Variants in LRRC4C observed in about 807,000 individuals in gnomAD.
LRRC4C encodes leucine rich repeat containing 4C.
In LRRC4C, 5 loss-of-function variants were observed where a neutral mutation model predicts 33.6. The ratio of observed to expected loss-of-function variants is 0.15; its 90% CI spans 0.08 to 0.31. The LOEUF (loss-of-function observed/expected upper bound fraction) is 0.31. Among genes scored for constraint, LRRC4C ranks in the 10% least tolerant of loss-of-function variants. The probability of loss-of-function intolerance (pLI) is 1.00; values close to 1 mark genes in which losing one functional copy is unlikely to be tolerated. For synonymous variants in LRRC4C, 329 were observed against 302.0 expected (o/e 1.09, Z -0.93); for missense variants, 560 against 796.7 (o/e 0.70, Z 3.58).
intron 1 of LRRC4C, among the ~76,000 whole-genome samples, chr11:41,058,179 G>A (rs1353457955): frequency 6.6e-6 from 1 of 150,586 alleles, no homozygotes; most frequent in Non-Finnish European, 1.5e-5. Flanking sequence ...CCCCAGACCT[G>A]GGAGCTCCCT....
chr11:41,084,383 T>C (rs556934637), intron 1 of LRRC4C, among the ~76,000 whole-genome samples: 1 of 152,294 alleles, frequency 6.6e-6, no homozygotes, highest in African/African-American at 2.4e-5. Context: ...TCTCTAAGGC[T>C]TGCTGTGAGG....
rs760369780 is a variant in LRRC4C, at chr11:40,689,926, T to C, written c.-406-41648A>G. On this transcript the variant is annotated intron_variant, in intron 2 of 6. Transcript: ENST00000528697. ...TACCCATAGTTGCATTTGGAACTTA[T>C]GTAACAATTTAGTCGGCTAACTCAT... Among the ~76,000 whole-genome samples, 58 of 152,168 alleles carry C rather than the reference T, an allele frequency of 3.8e-4. 1 individual carries two copies. Among genetic ancestry groups the C allele is most frequent in the Non-Finnish European group, 7.9e-4 (54 of 68,016 alleles).
chr11:41,023,754 C>A (rs966857160), intron 1 of LRRC4C, among the ~76,000 whole-genome samples: 1 of 151,610 alleles, frequency 6.6e-6, no homozygotes, highest in Non-Finnish European at 1.5e-5. Flanking sequence ...AGGATTGAGA[C>A]AAAATTAATT....
chr11:41,319,995 T>A (rs911935094), intron 1 of LRRC4C, among the ~76,000 whole-genome samples: 2 of 151,922 alleles, frequency 1.3e-5, no homozygotes, highest in South Asian at 2.1e-4. Context: ...TAAAATCATT[T>A]AAAAAAAAGA....
chr11:41,322,490 T>C (rs1950987358), intron 1 of LRRC4C, among the ~76,000 whole-genome samples: 1 of 152,186 alleles, frequency 6.6e-6, no homozygotes, highest in Non-Finnish European at 1.5e-5. Flanking sequence ...ATAGTTTCCC[T>C]GTGGAGAAAG....
chr11:40,179,594 T>A (rs1037663528), intron 5 of LRRC4C, among the ~76,000 whole-genome samples: 22 of 152,100 alleles, frequency 1.4e-4, no homozygotes, highest in African/African-American at 5.3e-4. Flanking sequence ...TGTCTTCTTC[T>A]CCCCGGAGAC....
intron 1 of LRRC4C, among the ~76,000 whole-genome samples, chr11:41,453,688 G>C (rs1480426297): frequency 6.6e-6 from 1 of 151,900 alleles, no homozygotes; most frequent in African/African-American, 2.4e-5. Context: ...ATGTGTGTTT[G>C]TATGTGAGAA....
In LRRC4C at chr11:41,185,122, C is replaced by T. The variant is rs191220021; in HGVS notation, c.-495-251399G>A. 7.3e-3 allele frequency among the ~76,000 whole-genome samples: 1,109 copies of T among 152,068 alleles called. 9 individuals carry two copies. The highest frequency in any genetic ancestry group is 0.025 in the African/African-American group (1,031 of 41,478). ...GGAGTTACAACTCAAGATGAGATTT[C>T]GGTGGGGACACAGCCAAACCATATC... On this transcript the variant is annotated intron_variant, in intron 1 of 6. Coordinates refer to ENST00000528697, the MANE Select transcript of LRRC4C (RefSeq NM_001258419.2).
Position 40,535,685 on chromosome 11 carries a change from C to T in LRRC4C, c.-270+112457G>A, listed in dbSNP as rs147389803. Among the ~76,000 whole-genome samples, 53 of 152,296 alleles carry T rather than the reference C, an allele frequency of 3.5e-4. 1 individual carries two copies. The highest frequency in any genetic ancestry group is 9.1e-4 in the African/African-American group (38 of 41,574). ...TGGGTTGACTTTGAGTTTAAATCAG[C>T]ATGAACTAATTTACTATTATGTTTC... is the stretch of plus-strand genomic sequence containing the variant. On this transcript the variant is annotated intron_variant, in intron 3 of 6. Coordinates refer to ENST00000528697, the MANE Select transcript of LRRC4C (RefSeq NM_001258419.2).
chr11:40,948,648 G>A lies in LRRC4C; in HGVS notation c.-495-14925C>T, dbSNP rs1248723445. 3.2e-3 allele frequency among the ~76,000 whole-genome samples: 486 copies of A among 149,564 alleles called. 4 individuals carry two copies. The highest frequency in any genetic ancestry group is 0.011 in the African/African-American group (435 of 40,516). On this transcript the variant is annotated intron_variant, in intron 1 of 6. Transcript: ENST00000528697. ...TTTTTTGTTCTTGCGATAGTTTACTGAGAATGAGGATTTCCAATTTCATCC... is the reference window on the plus strand; with the variant it reads ...TTTTTTGTTCTTGCGATAGTTTACTAAGAATGAGGATTTCCAATTTCATCC...
At chr11:40,602,511 C>A (rs34488292) in intron 3 of LRRC4C, among the ~76,000 whole-genome samples, 122 of 150,332 alleles carry the variant, frequency 8.1e-4, no homozygotes, top group Non-Finnish European at 1.5e-3. Flanking sequence ...GAGTTAAATG[C>A]AAATGTTCTA....
chr11:40,273,469 A>G (rs1241493092), intron 4 of LRRC4C, among the ~76,000 whole-genome samples: 1 of 152,154 alleles, frequency 6.6e-6, no homozygotes, highest in Non-Finnish European at 1.5e-5. Flanking sequence ...GAAGGTATAG[A>G]AATTCAGACA....
rs528252620 is a variant in LRRC4C at position 41,231,518 on chromosome 11, A to C, written c.-496+227913T>G. 2.0e-5 allele frequency among the ~76,000 whole-genome samples: 3 copies of C among 150,952 alleles called. No homozygotes were observed. In the East Asian group the frequency reaches 5.9e-4, roughly 30 times the overall value. On this transcript the variant is annotated intron_variant, in intron 1 of 6. Transcript: ENST00000528697. ...ATTCTCAGCAAACTATCGCAAGGAC[A>C]AAAAACCAAACACCGCATGTTCTCA... is the stretch of plus-strand genomic sequence containing the variant.
chr11:41,271,424 C>A lies in LRRC4C; in HGVS notation c.-496+188007G>T, dbSNP rs748300317. Among the ~76,000 whole-genome samples, 7 of 152,044 alleles carry A rather than the reference C, an allele frequency of 4.6e-5. No individual in the cohort carries two copies. In the South Asian group the frequency reaches 1.4e-3, roughly 31 times the overall value. On this transcript the variant is annotated intron_variant, in intron 1 of 6. Transcript: ENST00000528697. ...TCTCATTCACATTCTCTCTGTTCTACAAGGACATCAACAGGTTTTTACACT... is the reference window on the plus strand; with the variant it reads ...TCTCATTCACATTCTCTCTGTTCTAAAAGGACATCAACAGGTTTTTACACT...
chr11:40,871,278 C>G (rs1195035032), intron 2 of LRRC4C, among the ~76,000 whole-genome samples: 1 of 152,094 alleles, frequency 6.6e-6, no homozygotes, highest in East Asian at 1.9e-4. Context: ...CCTTGTGAAG[C>G]CTGTGATCTC....
intron 3 of LRRC4C, among the ~76,000 whole-genome samples, chr11:40,646,559 GA>G (rs572499991): frequency 3.0e-4 from 46 of 151,924 alleles, no homozygotes; most frequent in Non-Finnish European, 6.3e-4. Flanking sequence ...TGACGGCAAG[GA>G]AAAAAAGACA....
At chr11:40,311,414 A>G (rs1469007575) in intron 4 of LRRC4C, among the ~76,000 whole-genome samples, 1 of 152,226 alleles carries the variant, frequency 6.6e-6, no homozygotes, top group Non-Finnish European at 1.5e-5. Context: ...GTAAACGTGT[A>G]CTTAATGAGT....
At chr11:41,458,328 G>C (rs1340068968) in intron 1 of LRRC4C, among the ~76,000 whole-genome samples, 1 of 152,114 alleles carries the variant, frequency 6.6e-6, no homozygotes, top group Non-Finnish European at 1.5e-5. Context: ...AGATTCTGTT[G>C]CCTTCATGTG....
intron 3 of LRRC4C, among the ~76,000 whole-genome samples, chr11:40,621,746 A>G (rs1025240698): frequency 1.3e-5 from 2 of 151,830 alleles, no homozygotes; most frequent in Non-Finnish European, 2.9e-5. Flanking sequence ...AAAGTAATTG[A>G]CTGGATATAA....
Sources: gnomAD v4.1 joint callset for allele counts (sites outside exome capture counted in the v4.1 genomes callset) on GRCh38, gnomAD v4.1.1 for gene constraint, MANE v1.5 for transcripts, NCBI Gene and HGNC (gene_info 2026-07-23, HGNC 2026-07-21) for gene names.